HYI: variants seen among roughly 807,000 people sequenced by gnomAD.
HYI encodes putative hydroxypyruvate isomerase.
In HYI, 47 loss-of-function variants were observed where a neutral mutation model predicts 39.7. The ratio of observed to expected loss-of-function variants is 1.18; its 90% confidence interval spans 0.94 to 1.51. The LOEUF (loss-of-function observed/expected upper bound fraction) is 1.51, where lower values mean the gene tolerates loss of function less well. Among genes scored for constraint, HYI ranks in the 40% most tolerant of loss-of-function variants. HYI has a pLI of 0.00. For missense variants in HYI, 465 were observed against 370.3 expected, an observed-to-expected ratio of 1.26 and a Z score of -2.10; for synonymous variants, 186 against 158.8, an observed-to-expected ratio of 1.17 and a Z score of -1.29.
At position 43,453,414 on chromosome 1, in the gene HYI, G is replaced by A. The variant is rs867461845; in HGVS notation, c.283C>T (p.Arg95Trp). 6.4e-7 allele frequency: 1 copy of A among 1,557,708 alleles called. No homozygotes were observed. Among genetic ancestry groups the A allele is most frequent in the Non-Finnish European group, 8.7e-7 (1 of 1,149,944 alleles). Reference protein sequence around the residue: ...AFREGLEQAVRYAKALGCPRI... With the variant: ...AFREGLEQAVWYAKALGCPRI... ...GGACAGCCCAGGGCTTTGGCATACCGCACGGCCTGCTCCAGTCCCTCTCGG... is the reference window on the plus strand; with the variant it reads ...GGACAGCCCAGGGCTTTGGCATACCACACGGCCTGCTCCAGTCCCTCTCGG... The change falls in exon 2 of 8, where the codon CGG becomes TGG. Residue 95 changes from arginine (R) to tryptophan (W), a missense_variant. Transcript: ENST00000372430.
chr1:43,451,578 G>C (rs776555284), intron 6 of HYI, 34 bp from the exon 7 acceptor site: 2 of 1,613,554 alleles, frequency 1.2e-6, no homozygotes, highest in South Asian at 2.2e-5. Flanking sequence ...TGGGGTCCAG[G>C]CTCCTGCCAG....
chr1:43,453,578 C>CCCAGCCCTG lies in HYI; in HGVS notation c.199+16_199+17insCAGGGCTGG. ...GGCACCCCCCAGCCCTCCCAGCCCT[C>CCCAGCCCTG]CCGGCCCGCGACGCACCCGGGGGCG... On this transcript the variant is annotated intron_variant, in intron 1 of 7. Coordinates refer to ENST00000372430, the MANE Select transcript of HYI (RefSeq NM_001190880.3). 2 of 1,517,756 alleles carry CCCAGCCCTG rather than the reference C, an allele frequency of 1.3e-6. No individual in the cohort carries two copies. The highest frequency in any genetic ancestry group is 1.4e-5 in the African/African-American group (1 of 72,162). The allele number at this position is 1,517,756 out of a possible 1,614,324, so 94.0% of individuals were successfully genotyped here. A position where few individuals can be genotyped will look rare whatever the true frequency, so the allele number is the denominator to read the frequency against.
intron 2 of HYI, 84 bp from the exon 3 acceptor site, chr1:43,452,403 G>A (rs773828758): frequency 7.3e-5 from 81 of 1,109,554 alleles, no homozygotes; most frequent in Non-Finnish European, 9.7e-5. Context: ...GCCAGCCCTC[G>A]TCCGTCTCCC....
chr1:43,450,732 T>A, downstream of HYI: 1 of 694,816 alleles, frequency 1.4e-6, no homozygotes, highest in Non-Finnish European at 2.6e-6. This position sits in a 1 kb window ranked among gnomAD's most constrained non-coding sequence, Gnocchi z 4.3. Flanking sequence ...GAGGACCCCT[T>A]GGGCCCTTCT....
At chr1:43,452,759 C>G in intron 2 of HYI, 1 of 798,912 alleles carries the variant, frequency 1.3e-6, no homozygotes, top group South Asian at 1.7e-5. Flanking sequence ...CCAGTTCCTT[C>G]TGAGCCTGTT....
At chr1:43,452,987 A>G (rs920366813) in intron 2 of HYI, 5 of 1,589,644 alleles carry the variant, frequency 3.1e-6, no homozygotes, top group Non-Finnish European at 3.4e-6. Context: ...CTTCCTGCCC[A>G]TCAAGCAATG....
chr1:43,452,274 T>TATTC lies in HYI; in HGVS notation c.353_356dup (p.Ile119MetfsTer7), dbSNP rs1656523394. 1 of 1,614,140 alleles carries TATTC rather than the reference T, an allele frequency of 6.2e-7. No homozygotes were observed. The highest frequency in any genetic ancestry group is 1.3e-5 in the African/African-American group (1 of 75,060). ...CGGCCTCCATCTCAGCCTTGACTGCTATTCGATCAGCTCCCTGGGGTACTC... is the reference window on the plus strand; with the variant it reads ...CGGCCTCCATCTCAGCCTTGACTGCTATTCATTCGATCAGCTCCCTGGGGTACTC... On this transcript the variant is annotated frameshift_variant, in exon 3 of 8. Transcript: ENST00000372430. LOFTEE classifies it high-confidence loss of function.
chr1:43,453,093 G>A, intron 2 of HYI: 1 of 798,298 alleles, frequency 1.3e-6, no homozygotes, highest in Non-Finnish European at 2.2e-6. Flanking sequence ...ACAGCTTCCT[G>A]GAATAGGCCT....
Position 43,451,002 on chromosome 1 carries a change from C to G in HYI, c.*236G>C. The G allele has an allele frequency of 2.6e-6, 2 of 767,342 alleles. No homozygotes were observed. The highest frequency in any genetic ancestry group is 4.8e-6 in the Non-Finnish European group (2 of 420,692). 47.5% of individuals were successfully genotyped at this position (767,342 alleles called of 1,614,324 possible). ...CCGTCAAGTCCCTTTGCTCTCGGACCCTGGGTTTCTCATCCTTTAATGAGG... is the reference window on the plus strand; with the variant it reads ...CCGTCAAGTCCCTTTGCTCTCGGACGCTGGGTTTCTCATCCTTTAATGAGG... On this transcript the variant is annotated 3_prime_UTR_variant, in exon 8 of 8. Transcript: ENST00000372430.
At chr1:43,453,173 ATCCCAGCATGGGG>A (rs1449698918) in intron 2 of HYI, 200 bp downstream of exon 2, 4 of 652,868 alleles carry the variant, frequency 6.1e-6, no homozygotes, top group South Asian at 3.6e-5. Flanking sequence ...CCAGCATGGG[ATCCCAGCATGGGG>A]TGAGCATGAA....
chr1:43,453,027 C>CT (rs766897297), intron 2 of HYI: 1 of 1,423,344 alleles, frequency 7.0e-7, no homozygotes. Context: ...CCAAGCATCA[C>CT]TACCTGTAAG....
chr1:43,451,221 G>C lies in HYI; in HGVS notation c.*17C>G. The C allele has an allele frequency of 3.1e-6, 5 of 1,612,684 alleles. No homozygotes were observed. Among genetic ancestry groups the C allele is most frequent in the Non-Finnish European group, 4.2e-6 (5 of 1,178,840 alleles). ...TGTCACTCGCTGTCTGGAGGCACGT[G>C]GGTGGTGTGCGGGCCCTCACTGGCC... On this transcript the variant is annotated 3_prime_UTR_variant, in exon 8 of 8. Transcript: ENST00000372430.
rs376726368 is a variant in HYI at position 43,452,289 on chromosome 1, C to G, written c.342G>C (p.Gln114His). 4 of 1,614,074 alleles carry G rather than the reference C, an allele frequency of 2.5e-6. No homozygotes were observed. The highest frequency in any genetic ancestry group is 1.3e-5 in the African/African-American group (1 of 75,064). The change falls in exon 3 of 8, where the codon CAG becomes CAC. Residue 114 changes from glutamine (Q) to histidine (H), a missense_variant. Transcript: ENST00000372430. ...RIHLMAGRVP[Q>H]GADRIAVKAE... is the part of the protein sequence containing the mutation. ...CCTTGACTGCTATTCGATCAGCTCC[C>G]TGGGGTACTCGGCCAGCCATCAGGT...
rs766303821 is a variant in HYI, at chr1:43,451,400, C to T, written c.760+10G>A. ...CCTCCAGAGCTCCCTTCCCCAGGGC[C>T]ACGCCTCACCTCGAGGCTGATACTC... On this transcript the variant is annotated intron_variant, in intron 7 of 7. Coordinates refer to ENST00000372430, the MANE Select transcript of HYI (RefSeq NM_001190880.3). 3 of 1,612,138 alleles carry T rather than the reference C, an allele frequency of 1.9e-6. No homozygotes were observed. Among genetic ancestry groups the T allele is most frequent in the Non-Finnish European group, 2.5e-6 (3 of 1,180,020 alleles).
intron 2 of HYI, chr1:43,452,981 C>T: frequency 1.2e-6 from 2 of 1,604,614 alleles, no homozygotes; most frequent in Non-Finnish European, 1.7e-6. Flanking sequence ...ACTCAACTTC[C>T]TGCCCATCAA....
chr1:43,453,071 T>C, intron 2 of HYI: 1 of 938,220 alleles, frequency 1.1e-6, no homozygotes, highest in Non-Finnish European at 1.7e-6. Context: ...GTTAGGTGCC[T>C]ACCCTGCTCC....
rs758615239 is a variant in HYI at position 43,453,429 on chromosome 1, G to A, written c.268C>T (p.Leu90=). The A allele has an allele frequency of 1.9e-6, 3 of 1,562,270 alleles. No homozygotes were observed. The Admixed American group carries it at 5.5e-5, about 29-fold the overall frequency. Residue 90 remains leucine (L), a synonymous_variant, in exon 2 of 8, where the codon CTG becomes TTG. Transcript: ENST00000372430. Reference sequence around the variant, plus strand: ...TTGGCATACCGCACGGCCTGCTCCAGTCCCTCTCGGAAGGCCGCCTGTCTC... The same window carrying A: ...TTGGCATACCGCACGGCCTGCTCCAATCCCTCTCGGAAGGCCGCCTGTCTC... ...PGRQAAFREG[L]EQAVRYAKAL...
Position 43,451,508 on chromosome 1 carries a change from TC to T in HYI, c.661del (p.Glu221SerfsTer8), listed in dbSNP as rs1445182002. 6.2e-7 allele frequency: 1 copy of T among 1,613,918 alleles called. No individual in the cohort carries two copies. The highest frequency in any genetic ancestry group is 1.7e-5 in the Admixed American group (1 of 60,010). Reference sequence around the variant, plus strand: ...ATTCAGCTCTCCGGGGCTGCTGGGCTCCCCTCGGCCTGGGACCTGTGCCACC... The same window carrying T: ...ATTCAGCTCTCCGGGGCTGCTGGGCTCCCTCGGCCTGGGACCTGTGCCACC... ...VQVAQVPGRG[E>X]PSSPGELNFP... On this transcript the variant is annotated frameshift_variant, in exon 7 of 8. Transcript: ENST00000372430. LOFTEE classifies it high-confidence loss of function.
In HYI at chr1:43,453,674, C is replaced by T. The variant is rs1656713871; in HGVS notation, c.120G>A (p.Pro40=). The T allele has an allele frequency of 9.5e-6, 14 of 1,470,570 alleles. No individual in the cohort carries two copies. The highest frequency in any genetic ancestry group is 3.9e-5 in the South Asian group (3 of 76,360). 91.1% of individuals were successfully genotyped at this position (1,470,570 alleles called of 1,614,324 possible). A position where few individuals can be genotyped will look rare whatever the true frequency, so the allele number is the denominator to read the frequency against. The change falls in exon 1 of 8, where the codon CCG becomes CCA. Residue 40 remains proline (P), a synonymous_variant. Transcript: ENST00000372430. ...CCAGCGCCTCAGGCGTCTCCGCGTA[C>T]GGCCAGGCCACCTCGACGGCCTCGA... ...SGFEAVEVAW[P]YAETPEALAR... is the part of the protein sequence containing the mutation.
Sources: allele counts gnomAD v4.1 joint callset, GRCh38; gene constraint gnomAD v4.1.1; non-coding constraint Gnocchi (gnomAD v3.1); transcripts MANE v1.5; gene names NCBI Gene and HGNC (gene_info 2026-07-23, HGNC 2026-07-21).